The following ICAM1 variants were observed in gnomAD, a reference collection of about 807,000 sequenced individuals.
ICAM1 encodes ICAM-1.
In ICAM1, 28 loss-of-function variants were observed where a neutral mutation model predicts 42.3. The ratio of observed to expected loss-of-function variants is 0.66; its 90% CI spans 0.49 to 0.91. The LOEUF is 0.91. ICAM1 is among the 40% of genes least tolerant of loss of function. The pLI is 0.00. For missense variants in ICAM1, 637 were observed against 688.6 expected, an observed-to-expected ratio of 0.93 and a Z score of 0.84; for synonymous variants, 304 against 305.9, an observed-to-expected ratio of 0.99 and a Z score of 0.07.
chr19:10,283,664 C>A lies in ICAM1; in HGVS notation c.515C>A (p.Thr172Lys). ...AVGEPAEVTT[T>K]VLVRRDHHGA... ...GGGGAGCCCGCTGAGGTCACGACCA[C>A]GGTGCTGGTGAGGAGAGATCACCAT... Residue 172 changes from threonine (T) to lysine (K), a missense_variant, in exon 3 of 7, where the codon ACG becomes AAG. By Grantham distance (78) the Thr-to-Lys change is moderately conservative. Transcript: ENST00000264832. The A allele has an allele frequency of 6.2e-7, 1 of 1,613,920 alleles. No homozygotes were observed. Among genetic ancestry groups the A allele is most frequent in the Non-Finnish European group, 8.5e-7 (1 of 1,179,902 alleles).
chr19:10,283,462 C>T lies in ICAM1; in HGVS notation c.332-19C>T, dbSNP rs1555706219. On this transcript the variant is annotated intron_variant, in intron 2 of 6. Coordinates refer to ENST00000264832, the MANE Select transcript of ICAM1 (RefSeq NM_000201.3). The stretch of plus-strand genomic sequence containing the variant: ...CAAGGTCCACTTCACCAGACACCCC[C>T]ACCTCTGTTTTCCTGCAGGGACTCC... The T allele has an allele frequency of 6.5e-7, 1 of 1,530,692 alleles. No individual in the cohort carries two copies. Among genetic ancestry groups the T allele is most frequent in the Admixed American group, 2.0e-5 (1 of 50,160 alleles). 94.8% of individuals were successfully genotyped at this position (1,530,692 alleles called of 1,614,324 possible). A position where few individuals can be genotyped will look rare whatever the true frequency, so the allele number is the denominator to read the frequency against.
chr19:10,274,562 G>A (rs564892560), intron 1 of ICAM1, among the ~76,000 whole-genome samples: 2 of 152,206 alleles, frequency 1.3e-5, no homozygotes, highest in African/African-American at 2.4e-5. Flanking sequence ...TGATCTGCCC[G>A]CCTTGGCCTC....
chr19:10,280,657 A>AC (rs960807788), intron 2 of ICAM1, among the ~76,000 whole-genome samples: 3 of 150,902 alleles, frequency 2.0e-5, no homozygotes, highest in African/African-American at 7.3e-5. Context: ...ACAACCTCCG[A>AC]CCCCCAGGAT....
intron 1 of ICAM1, among the ~76,000 whole-genome samples, chr19:10,271,566 G>A (rs1599262434): frequency 6.6e-6 from 1 of 151,984 alleles, no homozygotes; most frequent in Non-Finnish European, 1.5e-5. Context: ...GTGAACCACC[G>A]CCTTGCTTGG....
At chr19:10,277,658 T>C (rs1270706154) in intron 2 of ICAM1, among the ~76,000 whole-genome samples, 1 of 152,006 alleles carries the variant, frequency 6.6e-6, no homozygotes, top group Non-Finnish European at 1.5e-5. Context: ...CGGCTAATTT[T>C]TGTATTTTTA....
chr19:10,276,434 A>G (rs2040017555), intron 2 of ICAM1, among the ~76,000 whole-genome samples: 1 of 150,588 alleles, frequency 6.6e-6, no homozygotes, highest in Admixed American at 6.7e-5. Context: ...GGTCCCAGCT[A>G]CTCAGGAGGC....
Position 10,284,015 on chromosome 19 carries a change from C to G in ICAM1, c.638-18C>G. On this transcript the variant is annotated intron_variant, in intron 3 of 6. Coordinates refer to ENST00000264832, the MANE Select transcript of ICAM1 (RefSeq NM_000201.3). The surrounding 1 kb of genome is among the most constrained non-coding windows in gnomAD (Gnocchi z 5.4). Reference sequence around the variant, plus strand: ...GGACGTCCATCCCTGTCTGCTCACACCTTTCTTCTCTCCCTAGTCCTGCCA... The same window carrying G: ...GGACGTCCATCCCTGTCTGCTCACAGCTTTCTTCTCTCCCTAGTCCTGCCA... 6.2e-7 allele frequency: 1 copy of G among 1,607,078 alleles called. No homozygotes were observed. The highest frequency in any genetic ancestry group is 8.5e-7 in the Non-Finnish European group (1 of 1,175,148).
Position 10,274,829 on chromosome 19 carries a change from G to A in ICAM1, c.132G>A (p.Val44=). Residue 44 remains valine (V), a synonymous_variant, in exon 2 of 7, where the codon GTG becomes GTA. Coordinates refer to ENST00000264832, the MANE Select transcript of ICAM1 (RefSeq NM_000201.3). ...SKVILPRGGS[V]LVTCSTSCDQ... ...TCATCCTGCCCCGGGGAGGCTCCGT[G>A]CTGGTGACATGCAGCACCTCCTGTG... 1 of 1,614,198 alleles carries A rather than the reference G, an allele frequency of 6.2e-7. No homozygotes were observed. The highest frequency in any genetic ancestry group is 8.5e-7 in the Non-Finnish European group (1 of 1,180,032).
intron 2 of ICAM1, among the ~76,000 whole-genome samples, chr19:10,280,918 G>C (rs2040051774): frequency 7.7e-6 from 1 of 129,904 alleles, no homozygotes; most frequent in African/African-American, 3.0e-5. Context: ...CTGTCGCCCA[G>C]GCAGGAGTGC....
intron 2 of ICAM1, among the ~76,000 whole-genome samples, chr19:10,276,266 C>A (rs1265408123): frequency 6.6e-6 from 1 of 151,620 alleles, no homozygotes. Context: ...GAATTGATGG[C>A]CGGGCGCAGT....
intron 3 of ICAM1, 123 bp from the exon 4 acceptor site, chr19:10,283,910 G>A (rs1599270435): frequency 1.0e-5 from 15 of 1,433,084 alleles, no homozygotes; most frequent in African/African-American, 1.4e-5. Context: ...TGTTCTAGGC[G>A]TATGTGACCT....
Position 10,284,202 on chromosome 19 carries a change from C to G in ICAM1, c.807C>G (p.Ser269=), listed in dbSNP as rs770679518. The change falls in exon 4 of 7, where the codon TCC becomes TCG. Residue 269 remains serine, a synonymous_variant. Transcript: ENST00000264832. The surrounding 1 kb of genome is among the most constrained non-coding windows in gnomAD (Gnocchi z 5.4). ...LNPTVTYGND[S]FSAKASVSVT... is the part of the protein sequence containing the mutation. ...CCACAGTCACCTATGGCAACGACTC[C>G]TTCTCGGCCAAGGCCTCAGTCAGTG... The G allele has an allele frequency of 1.2e-6, 2 of 1,614,036 alleles. No homozygotes were observed. Among genetic ancestry groups the G allele is most frequent in the Non-Finnish European group, 1.7e-6 (2 of 1,180,024 alleles).
chr19:10,271,647 C>T (rs2039981566), intron 1 of ICAM1, among the ~76,000 whole-genome samples: 1 of 152,172 alleles, frequency 6.6e-6, no homozygotes, highest in Non-Finnish European at 1.5e-5. Flanking sequence ...GGCAGGGTAT[C>T]TTGGCCCAGC....
intron 2 of ICAM1, among the ~76,000 whole-genome samples, chr19:10,277,278 T>TA (rs1466930798): frequency 6.6e-6 from 1 of 152,020 alleles, no homozygotes; most frequent in Non-Finnish European, 1.5e-5. Context: ...CCTCCTGAGT[T>TA]TAAGTGATTC....
chr19:10,271,209 T>C lies in ICAM1; in HGVS notation c.50T>C (p.Leu17Pro), dbSNP rs750591481. 1 of 1,613,384 alleles carries C rather than the reference T, an allele frequency of 6.2e-7. No individual in the cohort carries two copies. The highest frequency in any genetic ancestry group is 1.1e-5 in the South Asian group (1 of 90,972). The change falls in exon 1 of 7, where the codon CTC becomes CCC. Residue 17 changes from leucine (L) to proline (P), a missense_variant. Transcript: ENST00000264832. ...RPALPALLVL[L>P]GALFPGPGNA... Reference sequence around the variant, plus strand: ...GCGCTGCCCGCACTCCTGGTCCTGCTCGGGGCTCTGTTCCCAGGTGAGTCG... The same window carrying C: ...GCGCTGCCCGCACTCCTGGTCCTGCCCGGGGCTCTGTTCCCAGGTGAGTCG...
At chr19:10,280,683 C>T (rs1014377889) in intron 2 of ICAM1, among the ~76,000 whole-genome samples, 3 of 152,008 alleles carry the variant, frequency 2.0e-5, no homozygotes, top group African/African-American at 7.3e-5. Flanking sequence ...TATTCTCTTG[C>T]CTCAGCCACC....
chr19:10,272,387 T>C (rs2039987737), intron 1 of ICAM1, among the ~76,000 whole-genome samples: 1 of 152,126 alleles, frequency 6.6e-6, no homozygotes, highest in South Asian at 2.1e-4. Context: ...AGAATCTCCC[T>C]TGGAGAATGT....
rs903248823 is a variant in ICAM1 at position 10,271,192 on chromosome 19, C to T, written c.33C>T (p.Pro11=). The T allele has an allele frequency of 6.2e-7, 1 of 1,613,274 alleles. No homozygotes were observed. The change falls in exon 1 of 7, where the codon CCC becomes CCT. Residue 11 remains proline (P), a synonymous_variant. Coordinates refer to ENST00000264832, the MANE Select transcript of ICAM1 (RefSeq NM_000201.3). Reference sequence around the variant, plus strand: ...CCAGCAGCCCCCGGCCCGCGCTGCCCGCACTCCTGGTCCTGCTCGGGGCTC... The same window carrying T: ...CCAGCAGCCCCCGGCCCGCGCTGCCTGCACTCCTGGTCCTGCTCGGGGCTC... MAPSSPRPAL[P]ALLVLLGALF...
At position 10,283,541 on chromosome 19, in the gene ICAM1, T is replaced by A. The variant is rs1204497162; in HGVS notation, c.392T>A (p.Leu131His). Residue 131 changes from leucine to histidine, a missense_variant, in exon 3 of 7, where the codon CTT (leucine) becomes CAT (histidine). Leu to His is a moderately conservative substitution (Grantham distance 99, BLOSUM62 -3). Coordinates refer to ENST00000264832, the MANE Select transcript of ICAM1 (RefSeq NM_000201.3). ...TCTTGGCAGCCAGTGGGCAAGAACC[T>A]TACCCTACGCTGCCAGGTGGAGGGT... ...LPSWQPVGKN[L>H]TLRCQVEGGA... is the part of the protein sequence containing the mutation. The A allele has an allele frequency of 5.6e-6, 9 of 1,610,946 alleles. No individual in the cohort carries two copies. The highest frequency in any genetic ancestry group is 2.7e-5 in the African/African-American group (2 of 74,876).
Sources: gnomAD v4.1 joint callset for allele counts (sites outside exome capture counted in the v4.1 genomes callset) on GRCh38, gnomAD v4.1.1 for gene constraint, Gnocchi (gnomAD v3.1) non-coding constraint, MANE v1.5 for transcripts, NCBI Gene and HGNC (gene_info 2026-07-23, HGNC 2026-07-21) for gene names.